Variants in RUBCN observed in about 807,000 individuals in gnomAD.
The protein encoded by RUBCN is rubicon autophagy regulator, also known as run domain Beclin-1-interacting and cysteine-rich domain-containing protein.
In RUBCN, 74 loss-of-function variants were observed where a neutral mutation model predicts 113.2. That is an observed-to-expected ratio of 0.65 (90% CI 0.54 to 0.79). RUBCN has a LOEUF of 0.79. Among genes scored for constraint, RUBCN ranks in the 30% least tolerant of loss-of-function variants. RUBCN has a pLI of 0.00. For missense variants in RUBCN, 1,109 were observed against 1,251.7 expected (o/e 0.89, Z 1.72); for synonymous variants, 480 against 490.0 (o/e 0.98, Z 0.27).
intron 12 of RUBCN, 112 bp downstream of exon 12, chr3:197,684,045 G>C (rs551854246): frequency 1.2e-6 from 1 of 833,768 alleles, no homozygotes; most frequent in Non-Finnish European, 2.0e-6. Flanking sequence ...CTTTAACCTC[G>C]CCTCCTCTTA....
Position 197,749,481 on chromosome 3 carries a change from A to T in RUBCN, c.-328T>A, listed in dbSNP as rs897674778. The T allele has an allele frequency of 1.1e-5, 14 of 1,277,592 alleles. No homozygotes were observed. In the Admixed American group the frequency reaches 2.1e-4, roughly 19 times the overall value. The allele number at this position is 1,277,592 out of a possible 1,614,324, so 79.1% of individuals were successfully genotyped here. A position where few individuals can be genotyped will look rare whatever the true frequency, so the allele number is the denominator to read the frequency against. ...TGGAGGAGCGTGCCAGGGAGGGGGG[A>T]GCTGGGATGCAGCTGCAATCTACAC... is the stretch of plus-strand genomic sequence containing the variant. On this transcript the variant is annotated 5_prime_UTR_variant, in exon 1 of 21. Coordinates refer to the RUBCN transcript ENST00000273582.
intron 1 of RUBCN, among the ~76,000 whole-genome samples, chr3:197,721,823 T>C (rs1726202343): frequency 6.6e-6 from 1 of 152,210 alleles, no homozygotes; most frequent in South Asian, 2.1e-4. Flanking sequence ...TCTAATTCCT[T>C]CTTAATTCTT....
intron 12 of RUBCN, 69 bp downstream of exon 12, chr3:197,684,088 G>T (rs1721561192): frequency 2.4e-6 from 3 of 1,271,006 alleles, no homozygotes; most frequent in Admixed American, 1.7e-5. Context: ...CATACACCAA[G>T]AACTGGGTTT....
chr3:197,717,941 G>A, intron 2 of RUBCN, 36 bp downstream of exon 2: 1 of 1,612,210 alleles, frequency 6.2e-7, no homozygotes, highest in Non-Finnish European at 8.5e-7. Flanking sequence ...CAACAAGCGA[G>A]TCAGCCAATC....
rs767909700 is a variant in RUBCN at position 197,671,309 on chromosome 3, G to A, written c.*3709C>T. 6 of 152,144 alleles carry A rather than the reference G, an allele frequency of 3.9e-5. No homozygotes were observed. Among genetic ancestry groups the A allele is most frequent in the Non-Finnish European group, 1.5e-5 (1 of 68,036 alleles). The allele number at this position is 152,144 out of a possible 1,614,324, so 9.4% of individuals were successfully genotyped here. A position where few individuals can be genotyped will look rare whatever the true frequency, so the allele number is the denominator to read the frequency against. On this transcript the variant is annotated 3_prime_UTR_variant, in exon 20 of 20. Coordinates refer to ENST00000296343, the MANE Select transcript of RUBCN (RefSeq NM_014687.4). ...ATGACACTCGTGAGCCACCGCGCCC[G>A]GCTCCTCATCCCACAAGGTGCTTCT... is the stretch of plus-strand genomic sequence containing the variant.
intron 11 of RUBCN, among the ~76,000 whole-genome samples, chr3:197,687,051 A>G (rs991781036): frequency 1.6e-4 from 24 of 152,274 alleles, no homozygotes; most frequent in Admixed American, 5.2e-4. Flanking sequence ...TACCTTAGCA[A>G]ACTATGCAAA....
intron 1 of RUBCN, among the ~76,000 whole-genome samples, chr3:197,732,113 A>C (rs1727576674): frequency 6.6e-6 from 1 of 152,204 alleles, no homozygotes; most frequent in African/African-American, 2.4e-5. Flanking sequence ...GGAGATGCTA[A>C]AACGGATCTT....
In RUBCN at chr3:197,742,957, C is replaced by A. The variant is rs1182912045; in HGVS notation, c.-116+6312G>T. Among the ~76,000 whole-genome samples, 5 of 152,234 alleles carry A rather than the reference C, an allele frequency of 3.3e-5. No homozygotes were observed. In the East Asian group the frequency reaches 7.7e-4, roughly 23 times the overall value. ...GAGTCAATCTAGAACCCCTGGTGGT[C>A]AAGACTCCTGCCTTCCCTAGGGAGG... is the stretch of plus-strand genomic sequence containing the variant. On this transcript the variant is annotated intron_variant, in intron 1 of 20. Transcript: ENST00000273582.
At position 197,669,186 on chromosome 3, in the gene RUBCN, A is replaced by G. The variant is rs1450753416; in HGVS notation, c.*5832T>C. Among the ~76,000 whole-genome samples the G allele has an allele frequency of 6.6e-6, 1 of 152,204 alleles. No homozygotes were observed. Among genetic ancestry groups the G allele is most frequent in the Non-Finnish European group, 1.5e-5 (1 of 68,040 alleles). On this transcript the variant is annotated 3_prime_UTR_variant, in exon 20 of 20. Coordinates refer to ENST00000296343, the MANE Select transcript of RUBCN (RefSeq NM_014687.4). ...TGTTACCATCTTACATTACTGTAGT[A>G]CTGGACATTTCCCAAAACTAAGGAA...
intron 11 of RUBCN, among the ~76,000 whole-genome samples, chr3:197,687,089 G>A (rs1489188994): frequency 6.6e-6 from 1 of 152,206 alleles, no homozygotes; most frequent in East Asian, 1.9e-4. Context: ...TGAGTCACAA[G>A]AAGAGTCAAC....
In RUBCN at chr3:197,679,885, T is replaced by C. The variant is rs1445496624; in HGVS notation, c.2430+1244A>G. Among the ~76,000 whole-genome samples the C allele has an allele frequency of 2.2e-4, 22 of 98,268 alleles. No homozygotes were observed. In the East Asian group the frequency reaches 2.2e-3, roughly 10 times the overall value. The allele number at this position is 98,268 out of a possible 152,430, so 64.5% of individuals were successfully genotyped here. ...TGACAACTGGCTCCAGACTGTCCTG[T>C]GCTCTGACAACTGGCTTCAGACTGT... On this transcript the variant is annotated intron_variant, in intron 16 of 19. Coordinates refer to ENST00000296343, the MANE Select transcript of RUBCN (RefSeq NM_014687.4).
chr3:197,687,893 C>G (rs949043942), intron 11 of RUBCN, among the ~76,000 whole-genome samples: 1 of 152,148 alleles, frequency 6.6e-6, no homozygotes, highest in East Asian at 1.9e-4. Context: ...TTTCAGGGAA[C>G]CCCACCATCC....
At chr3:197,749,620 G>T in exon 1 of RUBCN, 1 of 1,048,834 alleles carries the variant, frequency 9.5e-7, no homozygotes, top group Non-Finnish European at 1.3e-6. Flanking sequence ...GGACACGGAG[G>T]ATTATATCAC....
At chr3:197,723,290 G>A (rs539697246) in intron 1 of RUBCN, among the ~76,000 whole-genome samples, 272 of 151,988 alleles carry the variant, frequency 1.8e-3, no homozygotes, top group African/African-American at 6.2e-3. Context: ...CCCGATTCTC[G>A]TGCCTCAGCC....
chr3:197,699,323 G>A (rs1580247005), intron 7 of RUBCN: 1 of 924,806 alleles, frequency 1.1e-6, no homozygotes, highest in Non-Finnish European at 1.7e-6. Context: ...TTACCCAGCA[G>A]AAGTGGGGAT....
At chr3:197,703,750 G>C in intron 4 of RUBCN, 96 bp from the exon 5 acceptor site, 1 of 775,226 alleles carries the variant, frequency 1.3e-6, no homozygotes, top group Non-Finnish European at 2.3e-6. Context: ...GATGAATGAG[G>C]AGGAGGGTGA....
chr3:197,700,833 C>T lies in RUBCN; in HGVS notation c.1041G>A (p.Glu347=). Residue 347 remains glutamate, a synonymous_variant, in exon 7 of 20, where the codon GAG becomes GAA. Transcript: ENST00000296343. ...AGGAGAACAAATTGGAACTGCTGCTCTCGGCATTGCTGCTGTGACTCTGAC... is the reference window on the plus strand; with the variant it reads ...AGGAGAACAAATTGGAACTGCTGCTTTCGGCATTGCTGCTGTGACTCTGAC... ...ASCQSHSSNA[E]SSSSNLFSSS... The T allele has an allele frequency of 2.5e-6, 4 of 1,614,148 alleles. No individual in the cohort carries two copies. The highest frequency in any genetic ancestry group is 3.4e-6 in the Non-Finnish European group (4 of 1,180,024).
In RUBCN at chr3:197,670,365, G is replaced by A. The variant is rs773740621; in HGVS notation, c.*4653C>T. On this transcript the variant is annotated 3_prime_UTR_variant, in exon 20 of 20. Coordinates refer to ENST00000296343, the MANE Select transcript of RUBCN (RefSeq NM_014687.4). ...ACACGGAGGCATCTATAGATGTTTG[G>A]GATTGACGGATGATTGAATGAATAA... Among the ~76,000 whole-genome samples the A allele has an allele frequency of 6.6e-6, 1 of 152,172 alleles. No individual in the cohort carries two copies. Among genetic ancestry groups the A allele is most frequent in the Non-Finnish European group, 1.5e-5 (1 of 68,034 alleles).
In RUBCN at chr3:197,736,542, GTCC is replaced by G. The variant is rs368322479; in HGVS notation, c.65+110_65+112del. 102 of 843,782 alleles carry G rather than the reference GTCC, an allele frequency of 1.2e-4. No homozygotes were observed. The African/African-American group carries it at 1.7e-3, about 14-fold the overall frequency. The allele number at this position is 843,782 out of a possible 1,614,324, so 52.3% of individuals were successfully genotyped here. A position where few individuals can be genotyped will look rare whatever the true frequency, so the allele number is the denominator to read the frequency against. ...CCCAAACAAGTCCTCCGCAGCCGTCGTCCTCAAGACTCGTCGCGCCCGGCCCTT... is the reference window on the plus strand; with the variant it reads ...CCCAAACAAGTCCTCCGCAGCCGTCGTCAAGACTCGTCGCGCCCGGCCCTT... On this transcript the variant is annotated intron_variant, in intron 1 of 19. Transcript: ENST00000296343.
Sources: allele counts gnomAD v4.1 joint callset (sites outside exome capture counted in the v4.1 genomes callset), GRCh38; gene constraint gnomAD v4.1.1; transcripts MANE v1.5; gene names NCBI Gene and HGNC (gene_info 2026-07-23, HGNC 2026-07-21).